The following TMEM132D variants were observed in gnomAD, a reference collection of about 807,000 sequenced individuals.
TMEM132D encodes the protein mature OL transmembrane protein.
In TMEM132D, 21 loss-of-function variants were observed where a neutral mutation model predicts 62.3. That is an observed-to-expected ratio of 0.34 (90% CI 0.24 to 0.49). The LOEUF is 0.49. TMEM132D is among the 20% of genes least tolerant of loss of function. The probability of loss-of-function intolerance (pLI) is 0.99; values close to 1 mark genes in which losing one functional copy is unlikely to be tolerated. For missense variants in TMEM132D, 1,346 were observed against 1,402.8 expected, an observed-to-expected ratio of 0.96 and a Z score of 0.65; for synonymous variants, 621 against 575.6, an observed-to-expected ratio of 1.08 and a Z score of -1.13.
At chr12:129,284,026 G>A (rs947457271) in intron 4 of TMEM132D, among the ~76,000 whole-genome samples, 18 of 152,378 alleles carry the variant, frequency 1.2e-4, no homozygotes, top group African/African-American at 3.8e-4. Context: ...ATCCAGCCAC[G>A]TGGGAGGCAC....
At chr12:129,103,846 A>G (rs1875396968) in intron 5 of TMEM132D, among the ~76,000 whole-genome samples, 1 of 152,192 alleles carries the variant, frequency 6.6e-6, no homozygotes, top group Admixed American at 6.5e-5. Flanking sequence ...GAGGTGAAGG[A>G]CCTCTTCAAG....
In TMEM132D at chr12:129,777,999, T is replaced by C. The variant is rs1271905559; in HGVS notation, c.80-77301A>G. ...AAACAAAAAAAAATAGCTAGGTGTGTAATCCCAGCTACTTCTAAGGCAGGA... is the reference window on the plus strand; with the variant it reads ...AAACAAAAAAAAATAGCTAGGTGTGCAATCCCAGCTACTTCTAAGGCAGGA... On this transcript the variant is annotated intron_variant, in intron 1 of 8. Coordinates refer to ENST00000422113, the MANE Select transcript of TMEM132D (RefSeq NM_133448.3). Among the ~76,000 whole-genome samples, 11 of 149,146 alleles carry C rather than the reference T, an allele frequency of 7.4e-5. No individual in the cohort carries two copies. In the Admixed American group the frequency reaches 7.5e-4, roughly 10 times the overall value.
chr12:129,586,700 A>C (rs1012419918), intron 2 of TMEM132D, among the ~76,000 whole-genome samples: 3 of 152,212 alleles, frequency 2.0e-5, no homozygotes, highest in Non-Finnish European at 4.4e-5. Flanking sequence ...ACGTGGAGTT[A>C]GAATTTCAAC....
intron 4 of TMEM132D, among the ~76,000 whole-genome samples, chr12:129,262,117 T>C (rs967140118): frequency 5.3e-5 from 8 of 152,250 alleles, no homozygotes; most frequent in African/African-American, 1.7e-4. Context: ...TGGATGCCCC[T>C]GCCTGTGATG....
intron 5 of TMEM132D, among the ~76,000 whole-genome samples, chr12:129,202,260 AG>A (rs1878726179): frequency 6.6e-6 from 1 of 152,226 alleles, no homozygotes; most frequent in Non-Finnish European, 1.5e-5. Flanking sequence ...GGGGCTGCAC[AG>A]GTGGCTGTGA....
intron 2 of TMEM132D, among the ~76,000 whole-genome samples, chr12:129,699,403 G>A (rs530278721): frequency 1.3e-5 from 2 of 152,174 alleles, no homozygotes; most frequent in South Asian, 2.1e-4. Flanking sequence ...TGGCAAAACC[G>A]TGTTCCCTGT....
rs1666885729 is a variant in TMEM132D, at chr12:129,779,987, A to G, written c.80-79289T>C. 6.6e-6 allele frequency among the ~76,000 whole-genome samples: 1 copy of G among 151,864 alleles called. No homozygotes were observed. The highest frequency in any genetic ancestry group is 1.5e-5 in the Non-Finnish European group (1 of 67,998). ...AGCCCCATTTCATCCATGAGGAATCAGGAGCCCAGAAGACTAACTGCCCCA... is the reference window on the plus strand; with the variant it reads ...AGCCCCATTTCATCCATGAGGAATCGGGAGCCCAGAAGACTAACTGCCCCA... On this transcript the variant is annotated intron_variant, in intron 1 of 8. Coordinates refer to ENST00000422113, the MANE Select transcript of TMEM132D (RefSeq NM_133448.3). The surrounding 1 kb of genome is among the most constrained non-coding windows in gnomAD (Gnocchi z 4.1).
chr12:129,342,311 AC>A (rs748786622), intron 3 of TMEM132D, among the ~76,000 whole-genome samples: 2 of 152,232 alleles, frequency 1.3e-5, no homozygotes, highest in African/African-American at 2.4e-5. Flanking sequence ...CCTGATAAAA[AC>A]AAGCAATGGG....
At chr12:129,754,895 A>C (rs779328500) in intron 1 of TMEM132D, among the ~76,000 whole-genome samples, 7 of 152,184 alleles carry the variant, frequency 4.6e-5, no homozygotes, top group Non-Finnish European at 8.8e-5. Context: ...TAGAAAGTCA[A>C]GCAGAAATGG....
At chr12:129,895,597 C>T (rs908019930) in intron 1 of TMEM132D, among the ~76,000 whole-genome samples, 4 of 152,242 alleles carry the variant, frequency 2.6e-5, no homozygotes, top group Non-Finnish European at 5.9e-5. Context: ...GCTATTTGAG[C>T]CATGCTCGGG....
chr12:129,710,400 A>C (rs983126046), intron 1 of TMEM132D, among the ~76,000 whole-genome samples: 4 of 152,050 alleles, frequency 2.6e-5, no homozygotes, highest in African/African-American at 9.7e-5. Context: ...TGTTCAAGTG[A>C]TTCTCCTGCC....
At chr12:129,431,544 C>G (rs560751632) in intron 3 of TMEM132D, among the ~76,000 whole-genome samples, 15 of 152,280 alleles carry the variant, frequency 9.9e-5, no homozygotes, top group African/African-American at 3.6e-4. Flanking sequence ...AGGTTCTAAC[C>G]ACATCACACC....
At chr12:129,524,585 A>G (rs1875955556) in intron 3 of TMEM132D, among the ~76,000 whole-genome samples, 1 of 152,186 alleles carries the variant, frequency 6.6e-6, no homozygotes. Context: ...AAACGGCTGC[A>G]ATTACAGCCC....
At chr12:129,516,916 G>A (rs1387454078) in intron 3 of TMEM132D, among the ~76,000 whole-genome samples, 1 of 152,032 alleles carries the variant, frequency 6.6e-6, no homozygotes, top group Non-Finnish European at 1.5e-5. Context: ...CACATTCCTT[G>A]GCTCCTGGCC....
intron 2 of TMEM132D, among the ~76,000 whole-genome samples, chr12:129,599,445 A>G (rs1365387518): frequency 6.6e-6 from 1 of 152,236 alleles, no homozygotes; most frequent in African/African-American, 2.4e-5. Flanking sequence ...ATGACAGTGA[A>G]TTTAAACCTA....
intron 4 of TMEM132D, among the ~76,000 whole-genome samples, chr12:129,296,737 G>A (rs1383143122): frequency 6.6e-6 from 1 of 152,184 alleles, no homozygotes; most frequent in East Asian, 1.9e-4. Flanking sequence ...CCTGAAGCCA[G>A]CAAAGGTTAT....
At chr12:129,540,968 C>T (rs1336022586) in intron 2 of TMEM132D, among the ~76,000 whole-genome samples, 1 of 152,218 alleles carries the variant, frequency 6.6e-6, no homozygotes, top group Non-Finnish European at 1.5e-5. Flanking sequence ...TCCCTCTTTT[C>T]ATATACTCTT....
chr12:129,178,807 T>C (rs1234334008), intron 5 of TMEM132D, among the ~76,000 whole-genome samples: 1 of 152,208 alleles, frequency 6.6e-6, no homozygotes, highest in Non-Finnish European at 1.5e-5. Flanking sequence ...TGATTCTCCA[T>C]CAGGAGGTGA....
At chr12:129,495,997 T>C (rs1343534156) in intron 3 of TMEM132D, among the ~76,000 whole-genome samples, 1 of 152,146 alleles carries the variant, frequency 6.6e-6, no homozygotes, top group Non-Finnish European at 1.5e-5. Flanking sequence ...GCTTAGAAAT[T>C]CAATATGAAC....
Sources: allele counts gnomAD v4.1 joint callset (sites outside exome capture counted in the v4.1 genomes callset), GRCh38; gene constraint gnomAD v4.1.1; non-coding constraint Gnocchi (gnomAD v3.1); transcripts MANE v1.5; gene names NCBI Gene and HGNC (gene_info 2026-07-23, HGNC 2026-07-21).